CDH18: variants seen among roughly 807,000 people sequenced by gnomAD.
CDH18 encodes cadherin 18.
Under a neutral mutation model 67.9 loss-of-function variants are expected in CDH18, and 31 were observed. The observed-to-expected ratio is 0.46, with a 90% CI of 0.34 to 0.62. The LOEUF is 0.62. CDH18 is among the 20% of genes least tolerant of loss of function. The probability of loss-of-function intolerance (pLI) is 0.01; values close to 1 mark genes in which losing one functional copy is unlikely to be tolerated. For synonymous variants in CDH18, 362 were observed against 347.2 expected, an observed-to-expected ratio of 1.04 and a Z score of -0.48; for missense variants, 890 against 975.5, an observed-to-expected ratio of 0.91 and a Z score of 1.17.
chr5:20,202,466 A>G (rs556110635), intron 2 of CDH18, among the ~76,000 whole-genome samples: 5 of 152,092 alleles, frequency 3.3e-5, no homozygotes, highest in African/African-American at 9.6e-5. Context: ...ATATTTTGTT[A>G]TCTTGTCACT....
chr5:20,532,340 TAAC>T (rs534920251), intron 1 of CDH18, among the ~76,000 whole-genome samples: 5 of 152,176 alleles, frequency 3.3e-5, no homozygotes, highest in Non-Finnish European at 5.9e-5. Flanking sequence ...AAGCAGTCAC[TAAC>T]AAGTGTTTAC....
intron 5 of CDH18, among the ~76,000 whole-genome samples, chr5:19,650,426 T>C (rs1157202342): frequency 2.6e-5 from 4 of 152,116 alleles, no homozygotes; most frequent in Non-Finnish European, 5.9e-5. Flanking sequence ...GATTCACAGC[T>C]TTCTGTACAA....
intron 3 of CDH18, among the ~76,000 whole-genome samples, chr5:19,790,404 CT>C (rs1468393444): frequency 6.6e-6 from 1 of 152,038 alleles, no homozygotes; most frequent in African/African-American, 2.4e-5. Flanking sequence ...TGGCTATTTG[CT>C]GTCTATACAG....
At chr5:20,169,179 G>A (rs1736510567) in intron 2 of CDH18, among the ~76,000 whole-genome samples, 1 of 151,948 alleles carries the variant, frequency 6.6e-6, no homozygotes, top group African/African-American at 2.4e-5. Flanking sequence ...TTGAGGGGAT[G>A]GATACCCCAT....
At chr5:19,818,745 A>G (rs1779551487) in intron 3 of CDH18, among the ~76,000 whole-genome samples, 1 of 152,228 alleles carries the variant, frequency 6.6e-6, no homozygotes, top group African/African-American at 2.4e-5. Flanking sequence ...TAATAAGTAT[A>G]TGCATATCTA....
chr5:19,799,992 T>G (rs1777284783), intron 3 of CDH18, among the ~76,000 whole-genome samples: 2 of 152,182 alleles, frequency 1.3e-5, no homozygotes, highest in South Asian at 4.1e-4. Context: ...TAAAAGGATT[T>G]AAAAGATTTA....
At chr5:19,542,734 T>C (rs1273602082) in intron 9 of CDH18, among the ~76,000 whole-genome samples, 1 of 152,090 alleles carries the variant, frequency 6.6e-6, no homozygotes, top group Non-Finnish European at 1.5e-5. Flanking sequence ...AGAAAGTCAA[T>C]TAATGGCTTC....
intron 2 of CDH18, among the ~76,000 whole-genome samples, chr5:20,026,410 A>C (rs1192105959): frequency 2.6e-5 from 4 of 152,216 alleles, no homozygotes; most frequent in African/African-American, 9.6e-5. Flanking sequence ...ACAAGTGCCA[A>C]ACCTACAAAC....
Position 20,018,646 on chromosome 5 carries a change from G to A in CDH18, c.-517-26632C>T, listed in dbSNP as rs566693936. On this transcript the variant is annotated intron_variant, in intron 2 of 14. Coordinates refer to the CDH18 transcript ENST00000507958. Reference sequence around the variant, plus strand: ...TTGGCTTCCCAAATAATTCTTTAAGGTTATAGATTCAATTAATATTGAAAG... The same window carrying A: ...TTGGCTTCCCAAATAATTCTTTAAGATTATAGATTCAATTAATATTGAAAG... 2.6e-5 allele frequency among the ~76,000 whole-genome samples: 4 copies of A among 152,174 alleles called. No homozygotes were observed. In the South Asian group the frequency reaches 8.3e-4, roughly 32 times the overall value.
chr5:20,116,314 A>C (rs1226801542), intron 2 of CDH18, among the ~76,000 whole-genome samples: 1 of 152,028 alleles, frequency 6.6e-6, no homozygotes, highest in African/African-American at 2.4e-5. Flanking sequence ...GTTTGAGATC[A>C]GGCTGGCCAA....
intron 2 of CDH18, among the ~76,000 whole-genome samples, chr5:20,056,676 T>G (rs1199224863): frequency 1.4e-5 from 2 of 139,170 alleles, no homozygotes; most frequent in African/African-American, 5.3e-5. Flanking sequence ...GAGTTCTATA[T>G]TCTCTTTTTT....
chr5:19,582,723 A>G (rs186215945), intron 7 of CDH18, among the ~76,000 whole-genome samples: 1 of 152,008 alleles, frequency 6.6e-6, no homozygotes, highest in South Asian at 2.1e-4. Flanking sequence ...GTTTGTGATC[A>G]TGTGTTTGCC....
intron 2 of CDH18, among the ~76,000 whole-genome samples, chr5:19,904,821 T>C (rs1002415355): frequency 6.6e-6 from 1 of 152,174 alleles, no homozygotes; most frequent in Non-Finnish European, 1.5e-5. Flanking sequence ...CATATCTTCA[T>C]ATTGTGGGAA....
intron 12 of CDH18, among the ~76,000 whole-genome samples, chr5:19,481,801 C>T (rs1267965665): frequency 6.6e-6 from 1 of 152,128 alleles, no homozygotes; most frequent in African/African-American, 2.4e-5. Context: ...CTCAGAAAAA[C>T]AGTCAATTAT....
chr5:20,010,243 A>AT (rs947175462), intron 2 of CDH18, among the ~76,000 whole-genome samples: 7 of 144,200 alleles, frequency 4.9e-5, no homozygotes, highest in African/African-American at 1.0e-4. Context: ...CTTCTTTTTA[A>AT]TTTTTTTTAA....
At chr5:20,296,088 C>A (rs1287268558) in intron 1 of CDH18, among the ~76,000 whole-genome samples, 2 of 150,584 alleles carry the variant, frequency 1.3e-5, no homozygotes, top group African/African-American at 2.4e-5. Flanking sequence ...GTTGGCCAGC[C>A]TGGTCTTGAA....
chr5:19,564,325 T>A (rs1739986552), intron 8 of CDH18, among the ~76,000 whole-genome samples: 1 of 152,182 alleles, frequency 6.6e-6, no homozygotes, highest in Non-Finnish European at 1.5e-5. Flanking sequence ...GATCCCTTCC[T>A]TCCACTTGAG....
intron 2 of CDH18, among the ~76,000 whole-genome samples, chr5:20,111,122 T>C (rs1188154800): frequency 6.6e-6 from 1 of 152,208 alleles, no homozygotes; most frequent in African/African-American, 2.4e-5. Context: ...TATACAATTA[T>C]AGTTTATGTA....
chr5:20,438,375 A>T (rs1387179337), intron 1 of CDH18, among the ~76,000 whole-genome samples: 1 of 151,082 alleles, frequency 6.6e-6, no homozygotes, highest in African/African-American at 2.4e-5. Flanking sequence ...TATACCCCAC[A>T]TCTCTAAATA....
Sources: allele counts gnomAD v4.1 joint callset (sites outside exome capture counted in the v4.1 genomes callset), GRCh38; gene constraint gnomAD v4.1.1; transcripts MANE v1.5; gene names NCBI Gene and HGNC (gene_info 2026-07-23, HGNC 2026-07-21).